The following CADPS variants were observed in gnomAD, a reference collection of about 807,000 sequenced individuals.
The protein encoded by CADPS is calcium-dependent secretion activator 1.
Under a neutral mutation model 167.3 loss-of-function variants are expected in CADPS, and 57 were observed. The ratio of observed to expected loss-of-function variants is 0.34; its 90% CI spans 0.28 to 0.42. The LOEUF is 0.42. Among genes scored for constraint, CADPS ranks in the 20% least tolerant of loss-of-function variants. The pLI is 1.00. For synonymous variants in CADPS, 676 were observed against 635.3 expected (o/e 1.06, Z -0.96); for missense variants, 1,414 against 1,738.1 (o/e 0.81, Z 3.32).
Position 62,753,714 on chromosome 3 carries a change from G to C in CADPS, c.615C>G (p.Asn205Lys), listed in dbSNP as rs149627119. The change falls in exon 3 of 30, where the codon AAC becomes AAG. Residue 205 changes from asparagine (N) to lysine (K), a missense_variant. Physicochemically the swap from Asn to Lys is moderately conservative, Grantham distance 94 (BLOSUM62 0). Around this residue, in one of 6 missense-constraint regions of CADPS, gnomAD observed 522 missense variants for 559.5 expected, o/e 0.93. Transcript: ENST00000383710. This position sits in a 1 kb window ranked among gnomAD's most constrained non-coding sequence, Gnocchi z 4.6. ...RMVQSGGCSA[N>K]DSREVFKKHI... The stretch of plus-strand genomic sequence containing the variant: ...GCTTCTTGAAGACCTCCCGGGAGTC[G>C]TTGGCGGAACAGCCTCCACTCTGAA... 1.9e-6 allele frequency: 3 copies of C among 1,614,118 alleles called. No individual in the cohort carries two copies. The highest frequency in any genetic ancestry group is 2.5e-6 in the Non-Finnish European group (3 of 1,180,026).
At chr3:62,443,745 C>T (rs903939639) in intron 27 of CADPS, among the ~76,000 whole-genome samples, 2 of 152,094 alleles carry the variant, frequency 1.3e-5, no homozygotes, top group Non-Finnish European at 1.5e-5. Context: ...CCAGGCATGC[C>T]GAACTGTGAG....
At chr3:62,542,406 G>C (rs985858948) in intron 11 of CADPS, among the ~76,000 whole-genome samples, 5 of 152,122 alleles carry the variant, frequency 3.3e-5, no homozygotes, top group African/African-American at 1.2e-4. Flanking sequence ...AATGACAGTA[G>C]TCAGCCTCAT....
At chr3:62,708,799 A>G (rs6775194) in intron 3 of CADPS, among the ~76,000 whole-genome samples, 10,074 of 152,088 alleles carry the variant, frequency 0.066, 402 homozygotes, top group Middle Eastern at 0.095. Flanking sequence ...CAGCTGTGAC[A>G]TCTGCAGTAG....
chr3:62,589,071 A>T (rs1043299802), intron 7 of CADPS, among the ~76,000 whole-genome samples: 1 of 151,922 alleles, frequency 6.6e-6, no homozygotes, highest in Admixed American at 6.6e-5. Flanking sequence ...ATGTGCATGA[A>T]TTTTTTTTTA....
intron 6 of CADPS, among the ~76,000 whole-genome samples, chr3:62,639,354 G>A (rs184486764): frequency 1.3e-5 from 2 of 152,194 alleles, no homozygotes; most frequent in South Asian, 2.1e-4. Context: ...AATATCTCCT[G>A]GACTGTGAAC....
intron 1 of CADPS, among the ~76,000 whole-genome samples, chr3:62,820,576 T>G (rs1014632433): frequency 1.3e-5 from 2 of 152,114 alleles, no homozygotes; most frequent in African/African-American, 4.8e-5. Flanking sequence ...AAGGAAGAAG[T>G]TGCAGGTCCT....
intron 26 of CADPS, among the ~76,000 whole-genome samples, chr3:62,454,743 C>T (rs1458889610): frequency 2.0e-5 from 3 of 152,054 alleles, no homozygotes; most frequent in African/African-American, 7.2e-5. Context: ...GGGAGAGAGC[C>T]GAGGTTTTCC....
At chr3:62,735,779 C>T (rs2078879317) in intron 3 of CADPS, among the ~76,000 whole-genome samples, 1 of 152,120 alleles carries the variant, frequency 6.6e-6, no homozygotes, top group African/African-American at 2.4e-5. Context: ...CTTTTCTTTT[C>T]TTTGGGCTGA....
intron 6 of CADPS, among the ~76,000 whole-genome samples, chr3:62,635,903 C>G (rs2066212511): frequency 6.6e-6 from 1 of 152,136 alleles, no homozygotes; most frequent in Non-Finnish European, 1.5e-5. Context: ...TATAAGAAAA[C>G]TAGCTTGCTA....
chr3:62,626,187 A>G, intron 6 of CADPS: 1 of 198,386 alleles, frequency 5.0e-6, no homozygotes, highest in East Asian at 1.2e-4. Flanking sequence ...CCCATTAAGA[A>G]TTAACACGTT....
chr3:62,499,459 T>C (rs2065353465), intron 17 of CADPS, 191 bp from the exon 18 acceptor site: 2 of 431,706 alleles, frequency 4.6e-6, no homozygotes, highest in South Asian at 6.2e-5. Flanking sequence ...ATTATTATAA[T>C]ATATATTAGA....
Position 62,731,911 on chromosome 3 carries a change from C to T in CADPS, c.888+21530G>A, listed in dbSNP as rs750289594. Among the ~76,000 whole-genome samples the T allele has an allele frequency of 1.7e-4, 26 of 150,496 alleles. 1 individual carries two copies. The highest frequency in any genetic ancestry group is 3.3e-4 in the Admixed American group (5 of 15,102). On this transcript the variant is annotated intron_variant, in intron 3 of 29. Transcript: ENST00000383710. ...AAAGGGCGCTGGGCTAAAAGCATGGCTCCGGGATCATGAAGGCCCCTTAGA... is the reference window on the plus strand; with the variant it reads ...AAAGGGCGCTGGGCTAAAAGCATGGTTCCGGGATCATGAAGGCCCCTTAGA...
chr3:62,528,025 T>C (rs2072728769), intron 13 of CADPS, among the ~76,000 whole-genome samples: 1 of 152,200 alleles, frequency 6.6e-6, no homozygotes, highest in Admixed American at 6.5e-5. Context: ...TCCAGATAAA[T>C]TCTGGTTTTC....
chr3:62,512,648 T>G, intron 17 of CADPS, 103 bp downstream of exon 17: 1 of 772,750 alleles, frequency 1.3e-6, no homozygotes, highest in South Asian at 2.0e-5. Flanking sequence ...TCCACATGGC[T>G]CTCTGGGAGT....
At chr3:62,717,867 A>G (rs891712373) in intron 3 of CADPS, among the ~76,000 whole-genome samples, 1 of 152,060 alleles carries the variant, frequency 6.6e-6, no homozygotes, top group Non-Finnish European at 1.5e-5. Context: ...CACCTTTCTG[A>G]CTTCATCATT....
chr3:62,656,660 T>G (rs1297720396), intron 4 of CADPS, among the ~76,000 whole-genome samples: 1 of 152,154 alleles, frequency 6.6e-6, no homozygotes, highest in African/African-American at 2.4e-5. Context: ...ACCCAGACAA[T>G]GTGCACTCTG....
At chr3:62,742,671 C>A (rs1257536494) in intron 3 of CADPS, among the ~76,000 whole-genome samples, 2 of 152,070 alleles carry the variant, frequency 1.3e-5, no homozygotes, top group African/African-American at 4.8e-5. Context: ...ACTATAAAAA[C>A]CCTGGAAGAC....
At chr3:62,838,897 G>A (rs1346781968) in intron 1 of CADPS, among the ~76,000 whole-genome samples, 2 of 152,146 alleles carry the variant, frequency 1.3e-5, no homozygotes, top group African/African-American at 4.8e-5. Flanking sequence ...ATGCCTCCCA[G>A]CTCAAATACA....
Position 62,874,615 on chromosome 3 carries a change from T to C in CADPS, c.415A>G (p.Thr139Ala). The change falls in exon 1 of 30, where the codon ACC (threonine) becomes GCC (alanine). Residue 139 changes from threonine to alanine, a missense_variant. Around this residue, in one of 6 missense-constraint regions of CADPS, gnomAD observed 522 missense variants for 559.5 expected, o/e 0.93. Transcript: ENST00000383710. The surrounding 1 kb of genome is among the most constrained non-coding windows in gnomAD (Gnocchi z 7.1). ...TTCTGCTGCCGGCGAGCCATGTCGG[T>C]GGGCTGCTTGGCATTAAAGGGGTAG... is the stretch of plus-strand genomic sequence containing the variant. The part of the protein sequence containing the change: ...IAYPFNAKQP[T>A]DMARRQQKIS... 1 of 1,558,744 alleles carries C rather than the reference T, an allele frequency of 6.4e-7. No individual in the cohort carries two copies. Among genetic ancestry groups the C allele is most frequent in the Non-Finnish European group, 8.7e-7 (1 of 1,150,618 alleles).
Sources: allele counts gnomAD v4.1 joint callset (sites outside exome capture counted in the v4.1 genomes callset), GRCh38; gene constraint gnomAD v4.1.1; regional missense constraint gnomAD v4.1.1; non-coding constraint Gnocchi (gnomAD v3.1); transcripts MANE v1.5; gene names NCBI Gene and HGNC (gene_info 2026-07-23, HGNC 2026-07-21).